COL13A1: variants seen among roughly 807,000 people sequenced by gnomAD.
COL13A1 encodes the protein collagen alpha-1(XIII) chain.
COL13A1 carries 89 observed loss-of-function variants against 130.9 expected under a neutral mutation model. The observed-to-expected ratio is 0.68, with a 90% CI of 0.57 to 0.81. COL13A1 has a LOEUF of 0.81. COL13A1 is among the 30% of genes least tolerant of loss of function. The probability of loss-of-function intolerance (pLI) is 0.00; values close to 1 mark genes in which losing one functional copy is unlikely to be tolerated. For missense variants in COL13A1, 879 were observed against 934.6 expected (o/e 0.94, Z 0.78); for synonymous variants, 402 against 341.6 (o/e 1.18, Z -1.95).
At chr10:69,802,825 GGTTCGCGCGA>G (rs1472657554) in intron 1 of COL13A1, 108 bp downstream of exon 1, 1 of 1,443,038 alleles carries the variant, frequency 6.9e-7, no homozygotes, top group African/African-American at 1.4e-5. Flanking sequence ...GCGAGCCCCA[GGTTCGCGCGA>G]GTTGCCTGCG....
chr10:69,819,532 T>G (rs2132527404), intron 1 of COL13A1, among the ~76,000 whole-genome samples: 1 of 152,304 alleles, frequency 6.6e-6, no homozygotes, highest in African/African-American at 2.4e-5. Flanking sequence ...CAGTCCAATT[T>G]GAGGCAGAGG....
intron 2 of COL13A1, among the ~76,000 whole-genome samples, chr10:69,851,549 C>T (rs1854809920): frequency 6.6e-6 from 1 of 152,220 alleles, no homozygotes; most frequent in Non-Finnish European, 1.5e-5. Flanking sequence ...ACAGTAGCCA[C>T]AGCTACATGT....
intron 24 of COL13A1, 89 bp downstream of exon 24, chr10:69,923,944 C>CA: frequency 6.6e-7 from 1 of 1,517,696 alleles, no homozygotes; most frequent in South Asian, 1.2e-5. Flanking sequence ...GGGTATCCCT[C>CA]AGGGCACAAG....
chr10:69,849,348 G>A (rs908661110), intron 2 of COL13A1, among the ~76,000 whole-genome samples: 1 of 152,052 alleles, frequency 6.6e-6, no homozygotes, highest in Non-Finnish European at 1.5e-5. Context: ...GGGAGCGGGG[G>A]TGGGGGGCGC....
Position 69,923,856 on chromosome 10 carries a change from G to C in COL13A1, c.1284+1G>C. Reference sequence around the variant, plus strand: ...CCCCCCAGGGCAGCCAGGAGACAAGGTACAGAGACCCCCACATCCCAGAGC... The same window carrying C: ...CCCCCCAGGGCAGCCAGGAGACAAGCTACAGAGACCCCCACATCCCAGAGC... On this transcript the variant is annotated splice_donor_variant, in intron 24 of 40. Transcript: ENST00000645393. LOFTEE classifies it high-confidence loss of function. 1 of 1,611,752 alleles carries C rather than the reference G, an allele frequency of 6.2e-7. No individual in the cohort carries two copies. The highest frequency in any genetic ancestry group is 8.5e-7 in the Non-Finnish European group (1 of 1,179,184).
chr10:69,852,532 A>G (rs2704480), intron 2 of COL13A1, among the ~76,000 whole-genome samples: 34,494 of 152,300 alleles, frequency 0.23, 4,037 homozygotes, highest in Middle Eastern at 0.25. Flanking sequence ...CAGCACCAAC[A>G]TAGAGCAGTG....
chr10:69,883,722 A>G (rs753008893), intron 7 of COL13A1, among the ~76,000 whole-genome samples: 7 of 152,158 alleles, frequency 4.6e-5, no homozygotes, highest in Non-Finnish European at 8.8e-5. Flanking sequence ...AAGCCCTTAC[A>G]TTATGGTCAG....
intron 2 of COL13A1, among the ~76,000 whole-genome samples, chr10:69,833,259 A>G (rs1849236919): frequency 6.6e-6 from 1 of 152,204 alleles, no homozygotes; most frequent in South Asian, 2.1e-4. Context: ...TTAAGTGAAG[A>G]AGGACTGCCC....
intron 40 of COL13A1, 101 bp downstream of exon 40, chr10:69,957,143 A>T (rs1472198863): frequency 1.0e-6 from 1 of 960,556 alleles, no homozygotes; most frequent in Non-Finnish European, 1.7e-6. Flanking sequence ...GCAGCAAGAC[A>T]TAGGTCAAAT....
chr10:69,834,001 G>A (rs906346019), intron 2 of COL13A1, among the ~76,000 whole-genome samples: 18 of 152,086 alleles, frequency 1.2e-4, no homozygotes, highest in Admixed American at 7.2e-4. Flanking sequence ...TCAGTGTAGA[G>A]GGTGAATTAG....
In COL13A1 at chr10:69,927,946, G is replaced by A. The variant is rs138819681; in HGVS notation, c.1422+836G>A. On this transcript the variant is annotated intron_variant, in intron 27 of 40. Transcript: ENST00000645393. ...ACACTGAGGTGGGCAGATCGCTTGA[G>A]GTCAGGAGTTCAAGACCAGCTTGGC... 7.0e-3 allele frequency among the ~76,000 whole-genome samples: 1,064 copies of A among 152,304 alleles called. 10 individuals are homozygous for A. Among genetic ancestry groups the A allele is most frequent in the East Asian group, 0.04 (209 of 5,176 alleles).
intron 2 of COL13A1, chr10:69,860,623 C>T (rs949409710): frequency 5.8e-6 from 1 of 171,668 alleles, no homozygotes; most frequent in South Asian, 8.7e-5. Context: ...CATCTTCTGT[C>T]GGGTTGTCGT....
At chr10:69,926,770 G>A (rs915197530) in intron 26 of COL13A1, among the ~76,000 whole-genome samples, 10 of 152,220 alleles carry the variant, frequency 6.6e-5, no homozygotes, top group Non-Finnish European at 1.5e-5. Flanking sequence ...AAGAGGTGGT[G>A]CTTCCTTCCC....
intron 9 of COL13A1, among the ~76,000 whole-genome samples, chr10:69,889,044 C>T (rs2763364): frequency 0.18 from 26,938 of 152,170 alleles, 2,606 homozygotes; most frequent in Admixed American, 0.22. Flanking sequence ...TGCAGGCCAG[C>T]GAGCTAAGTG....
chr10:69,826,982 G>T (rs568991324), intron 2 of COL13A1, among the ~76,000 whole-genome samples: 1 of 152,326 alleles, frequency 6.6e-6, no homozygotes, highest in African/African-American at 2.4e-5. Context: ...ACTTAGTCAC[G>T]TGGTTACCCC....
Position 69,917,283 on chromosome 10 carries a change from C to T in COL13A1, c.922-6C>T. ...TCTCCTCATGCTTTCTCATTTCTTC[C>T]TCCAGGGAGAACGGGGCATGCCAGG... On this transcript the variant is annotated splice_polypyrimidine_tract_variant and splice_region_variant and intron_variant, in intron 17 of 40. Transcript: ENST00000645393. 6.2e-7 allele frequency: 1 copy of T among 1,613,730 alleles called. No homozygotes were observed. The highest frequency in any genetic ancestry group is 8.5e-7 in the Non-Finnish European group (1 of 1,179,754).
chr10:69,803,573 G>T (rs1840647450), intron 1 of COL13A1, among the ~76,000 whole-genome samples: 3 of 152,180 alleles, frequency 2.0e-5, no homozygotes, highest in Admixed American at 2.0e-4. Flanking sequence ...AGATAGAGAG[G>T]AGGACAGGCA....
At chr10:69,922,635 C>A in intron 22 of COL13A1, 73 bp from the exon 23 acceptor site, 1 of 1,111,800 alleles carries the variant, frequency 9.0e-7, no homozygotes, top group East Asian at 2.8e-5. Flanking sequence ...GCCCACACCC[C>A]ATAGTGTCCC....
chr10:69,888,473 AG>A, intron 9 of COL13A1, 143 bp downstream of exon 9: 1 of 1,215,978 alleles, frequency 8.2e-7, no homozygotes, highest in Non-Finnish European at 1.2e-6. Context: ...TGGGAAGTGG[AG>A]GGGGCCATTT....
Sources: gnomAD v4.1 joint callset for allele counts (sites outside exome capture counted in the v4.1 genomes callset) on GRCh38, gnomAD v4.1.1 for gene constraint, MANE v1.5 for transcripts, NCBI Gene and HGNC (gene_info 2026-07-23, HGNC 2026-07-21) for gene names.